Variants in HYAL3 observed in about 807,000 individuals in gnomAD.
The protein encoded by HYAL3 is hyaluronidase-3.
Under a neutral mutation model 29.6 loss-of-function variants are expected in HYAL3, and 25 were observed. That is an observed-to-expected ratio of 0.85 (90% confidence interval 0.62 to 1.18). The LOEUF (loss-of-function observed/expected upper bound fraction) is 1.18, where lower values mean the gene tolerates loss of function less well. HYAL3 is among the 50% of genes most tolerant of loss of function. The pLI is 0.00. For missense variants in HYAL3, 442 were observed against 548.4 expected (o/e 0.81, Z 1.94); for synonymous variants, 215 against 218.3 (o/e 0.99, Z 0.13).
In HYAL3 at chr3:50,297,526, G is replaced by GC; in HGVS notation, c.-18+1686dup. ...GGGCCAGGGCTCAGAGTCAGCTCTT[G>GC]CCTATGCACAGGATCCAGGTTCAGC... On this transcript the variant is annotated intron_variant, in intron 1 of 3. Coordinates refer to ENST00000336307, the MANE Select transcript of HYAL3 (RefSeq NM_003549.4). This position sits in a 1 kb window ranked among gnomAD's most constrained non-coding sequence, Gnocchi z 4.3. The GC allele has an allele frequency of 6.6e-7, 1 of 1,522,766 alleles. No individual in the cohort carries two copies. The highest frequency in any genetic ancestry group is 8.8e-7 in the Non-Finnish European group (1 of 1,132,874). 94.3% of individuals were successfully genotyped at this position (1,522,766 alleles called of 1,614,324 possible). A position where few individuals can be genotyped will look rare whatever the true frequency, so the allele number is the denominator to read the frequency against.
At position 50,297,863 on chromosome 3, in the gene HYAL3, T is replaced by A. The variant is rs1177653986; in HGVS notation, c.-18+1350A>T. 3 of 1,032,630 alleles carry A rather than the reference T, an allele frequency of 2.9e-6. No individual in the cohort carries two copies. Among genetic ancestry groups the A allele is most frequent in the Non-Finnish European group, 3.5e-6 (3 of 861,492 alleles). The allele number at this position is 1,032,630 out of a possible 1,614,324, so 64.0% of individuals were successfully genotyped here. On this transcript the variant is annotated intron_variant, in intron 1 of 3. Coordinates refer to ENST00000336307, the MANE Select transcript of HYAL3 (RefSeq NM_003549.4). This position sits in a 1 kb window ranked among gnomAD's most constrained non-coding sequence, Gnocchi z 4.3. ...TCCCCTATAGAGCAGGGCAGATAGATCCAGGTGTCTACCCCACATTGGAGG... is the reference window on the plus strand; with the variant it reads ...TCCCCTATAGAGCAGGGCAGATAGAACCAGGTGTCTACCCCACATTGGAGG...
chr3:50,296,592 C>T (rs1701848273), intron 1 of HYAL3: 2 of 1,613,176 alleles, frequency 1.2e-6, no homozygotes, highest in Non-Finnish European at 8.5e-7. Flanking sequence ...AGTTCCTTGC[C>T]CTGGATGGCC....
In HYAL3 at chr3:50,295,032, G is replaced by A; in HGVS notation, c.571C>T (p.Leu191=). Residue 191 remains leucine, a synonymous_variant, in exon 2 of 4, where the codon CTA becomes TTA. Transcript: ENST00000336307. ...MEDTLRVAQA[L]RPHGLWGFYH... ...AAGCCCCAGAGTCCATGGGGCCGTAGTGCCTGGGCCACCCGCAGCGTATCC... is the reference window on the plus strand; with the variant it reads ...AAGCCCCAGAGTCCATGGGGCCGTAATGCCTGGGCCACCCGCAGCGTATCC... 6.2e-7 allele frequency: 1 copy of A among 1,613,460 alleles called. No individual in the cohort carries two copies. Among genetic ancestry groups the A allele is most frequent in the Non-Finnish European group, 8.5e-7 (1 of 1,179,954 alleles).
At position 50,297,383 on chromosome 3, in the gene HYAL3, T is replaced by C. The variant is rs369059750; in HGVS notation, c.-17-1764A>G. The C allele has an allele frequency of 1.9e-6, 3 of 1,613,424 alleles. No individual in the cohort carries two copies. The highest frequency in any genetic ancestry group is 2.5e-6 in the Non-Finnish European group (3 of 1,179,706). On this transcript the variant is annotated intron_variant, in intron 1 of 3. Coordinates refer to ENST00000336307, the MANE Select transcript of HYAL3 (RefSeq NM_003549.4). This position sits in a 1 kb window ranked among gnomAD's most constrained non-coding sequence, Gnocchi z 4.3. Reference sequence around the variant, plus strand: ...GATTGAAGGTCATCTCTGGTTGGCATGTGGAATCCAGGGGCAGCTTTGGCT... The same window carrying C: ...GATTGAAGGTCATCTCTGGTTGGCACGTGGAATCCAGGGGCAGCTTTGGCT...
At chr3:50,296,279 A>C in intron 1 of HYAL3, 1 of 365,842 alleles carries the variant, frequency 2.7e-6, no homozygotes, top group Non-Finnish European at 4.9e-6. Context: ...GGCAAAGGAC[A>C]GGCATCCTCC....
In HYAL3 at chr3:50,293,624, A is replaced by T. The variant is rs1553710436; in HGVS notation, c.984+8T>A. 6.2e-7 allele frequency: 1 copy of T among 1,613,818 alleles called. No homozygotes were observed. On this transcript the variant is annotated splice_region_variant and intron_variant, in intron 3 of 3. Coordinates refer to ENST00000336307, the MANE Select transcript of HYAL3 (RefSeq NM_003549.4). ...GCTACATGGCAGGCTCAAAGGGGCAATGATCACCTCAGAGCTGGAGAGGCT... is the reference window on the plus strand; with the variant it reads ...GCTACATGGCAGGCTCAAAGGGGCATTGATCACCTCAGAGCTGGAGAGGCT...
intron 1 of HYAL3, chr3:50,296,964 C>A (rs1238874730): frequency 6.3e-7 from 1 of 1,594,834 alleles, no homozygotes; most frequent in Admixed American, 1.8e-5. Flanking sequence ...GCGGAAGCCC[C>A]GGGCCCGAGC....
chr3:50,296,843 G>C (rs782520295), intron 1 of HYAL3: 24 of 1,587,724 alleles, frequency 1.5e-5, no homozygotes, highest in Non-Finnish European at 1.9e-5. Context: ...CATTAAGCAG[G>C]GTGGCAGGCA....
In HYAL3 at chr3:50,299,370, T is replaced by C; in HGVS notation, c.-175A>G. The C allele has an allele frequency of 6.6e-7, 1 of 1,508,578 alleles. No individual in the cohort carries two copies. Among genetic ancestry groups the C allele is most frequent in the Non-Finnish European group, 8.9e-7 (1 of 1,119,664 alleles). The allele number at this position is 1,508,578 out of a possible 1,614,324, so 93.4% of individuals were successfully genotyped here. A position where few individuals can be genotyped will look rare whatever the true frequency, so the allele number is the denominator to read the frequency against. ...CGCGTCCTGCGGCACGCCACGGCGT[T>C]CTAAGGCCTCCCAGCACCCGCGCGT... On this transcript the variant is annotated 5_prime_UTR_variant, in exon 1 of 4. Coordinates refer to ENST00000336307, the MANE Select transcript of HYAL3 (RefSeq NM_003549.4).
chr3:50,296,928 T>G, intron 1 of HYAL3: 1 of 1,609,066 alleles, frequency 6.2e-7, no homozygotes, highest in Non-Finnish European at 8.5e-7. Context: ...GAAGTGCACC[T>G]GGTCATGGGT....
chr3:50,298,336 C>T (rs1270610753), intron 1 of HYAL3, among the ~76,000 whole-genome samples: 2 of 152,112 alleles, frequency 1.3e-5, no homozygotes, highest in African/African-American at 2.4e-5. Context: ...CCACCTGGAG[C>T]CCATGGCCCC....
chr3:50,296,140 C>G (rs1026069378), intron 1 of HYAL3, among the ~76,000 whole-genome samples: 1 of 152,230 alleles, frequency 6.6e-6, no homozygotes, highest in East Asian at 1.9e-4. Context: ...TACTGTATGC[C>G]TGTTTGTCTA....
chr3:50,296,639 C>T, intron 1 of HYAL3: 1 of 1,614,062 alleles, frequency 6.2e-7, no homozygotes, highest in Non-Finnish European at 8.5e-7. Context: ...TGGGGCGCCC[C>T]CTCACATTTT....
At chr3:50,299,109 C>A (rs1702007410) in intron 1 of HYAL3, 104 bp downstream of exon 1, 2 of 1,607,998 alleles carry the variant, frequency 1.2e-6, no homozygotes, top group Non-Finnish European at 1.7e-6. Context: ...GGTCTGGAAA[C>A]GAACGACTGA....
In HYAL3 at chr3:50,294,792, C is replaced by T. The variant is rs782009494; in HGVS notation, c.811G>A (p.Ala271Thr). ...AGGGGATGTCGGTGCCCAACAAGGG[C>T]CACACGGAAGGCCTCCTCCAGGCGA... ...RHRLEEAFRV[A>T]LVGHRHPLPV... Residue 271 changes from alanine (A) to threonine (T), a missense_variant, in exon 2 of 4, where the codon GCC becomes ACC. Physicochemically the swap from Ala to Thr is moderately conservative, Grantham distance 58. Coordinates refer to ENST00000336307, the MANE Select transcript of HYAL3 (RefSeq NM_003549.4). 1.1e-5 allele frequency: 16 copies of T among 1,518,860 alleles called. No homozygotes were observed. The highest frequency in any genetic ancestry group is 1.4e-5 in the Non-Finnish European group (16 of 1,131,344). 94.1% of individuals were successfully genotyped at this position (1,518,860 alleles called of 1,614,324 possible). A position where few individuals can be genotyped will look rare whatever the true frequency, so the allele number is the denominator to read the frequency against.
chr3:50,296,683 GC>G, intron 1 of HYAL3: 1 of 1,613,796 alleles, frequency 6.2e-7, no homozygotes, highest in Non-Finnish European at 8.5e-7. Context: ...TTTGAAGGGG[GC>G]CCTGATGGAA....
At chr3:50,296,682 G>A in intron 1 of HYAL3, 2 of 1,613,840 alleles carry the variant, frequency 1.2e-6, no homozygotes, top group Non-Finnish European at 1.7e-6. Flanking sequence ...TTTTGAAGGG[G>A]GCCCTGATGG....
rs782465332 is a variant in HYAL3 at position 50,297,309 on chromosome 3, G to A, written c.-17-1690C>T. ...CAACTCAGCCAGGCTAGGAGCTGGGGTCTCCTCTGGCTGGTGTTCAGGATC... is the reference window on the plus strand; with the variant it reads ...CAACTCAGCCAGGCTAGGAGCTGGGATCTCCTCTGGCTGGTGTTCAGGATC... On this transcript the variant is annotated intron_variant, in intron 1 of 3. Transcript: ENST00000336307. The surrounding 1 kb of genome is among the most constrained non-coding windows in gnomAD (Gnocchi z 4.3). 1.2e-6 allele frequency: 2 copies of A among 1,605,264 alleles called. No individual in the cohort carries two copies. Among genetic ancestry groups the A allele is most frequent in the South Asian group, 1.1e-5 (1 of 90,110 alleles).
Position 50,293,113 on chromosome 3 carries a change from AT to A in HYAL3, c.*132del, listed in dbSNP as rs1553710249. 1.3e-6 allele frequency: 2 copies of A among 1,482,270 alleles called. No homozygotes were observed. The highest frequency in any genetic ancestry group is 2.8e-5 in the African/African-American group (2 of 72,344). 91.8% of individuals were successfully genotyped at this position (1,482,270 alleles called of 1,614,324 possible). A position where few individuals can be genotyped will look rare whatever the true frequency, so the allele number is the denominator to read the frequency against. On this transcript the variant is annotated 3_prime_UTR_variant, in exon 4 of 4. Transcript: ENST00000336307. The stretch of plus-strand genomic sequence containing the variant: ...TTCTGGCCCCTTCTACCCCTCAGGG[AT>A]TCCAAGGGAAGCGGGGTGTGTGCTT...
Sources: allele counts gnomAD v4.1 joint callset (sites outside exome capture counted in the v4.1 genomes callset), GRCh38; gene constraint gnomAD v4.1.1; non-coding constraint Gnocchi (gnomAD v3.1); transcripts MANE v1.5; gene names NCBI Gene and HGNC (gene_info 2026-07-23, HGNC 2026-07-21).